PTPRO: variants seen among roughly 807,000 people sequenced by gnomAD.
PTPRO encodes the protein protein tyrosine phosphatase receptor type O.
PTPRO carries 62 observed loss-of-function variants against 145.2 expected under a neutral mutation model. The observed-to-expected ratio is 0.43, with a 90% CI of 0.35 to 0.53. PTPRO has a LOEUF of 0.53. Ranked by LOEUF, PTPRO falls within the 20% of genes least tolerant of loss-of-function variation. The pLI, the probability that PTPRO is intolerant of heterozygous loss-of-function variation, is 0.01. For missense variants in PTPRO, 1,345 were observed against 1,482.7 expected (o/e 0.91, Z 1.53); for synonymous variants, 565 against 514.7 (o/e 1.10, Z -1.32).
chr12:15,475,546 C>A (rs1005758914), intron 1 of PTPRO, among the ~76,000 whole-genome samples: 1 of 152,114 alleles, frequency 6.6e-6, no homozygotes, highest in Non-Finnish European at 1.5e-5. Context: ...ATTTTTAGGT[C>A]TTTGAGATAC....
chr12:15,582,663 T>C (rs1318888261), intron 23 of PTPRO, among the ~76,000 whole-genome samples: 2 of 152,262 alleles, frequency 1.3e-5, no homozygotes, highest in African/African-American at 4.8e-5. Flanking sequence ...GGCACACTTA[T>C]GTTTTAAATT....
intron 1 of PTPRO, among the ~76,000 whole-genome samples, chr12:15,350,641 A>G (rs1937773098): frequency 6.6e-6 from 1 of 152,216 alleles, no homozygotes; most frequent in South Asian, 2.1e-4. Flanking sequence ...TTGCTATCAA[A>G]TATTCTGATA....
intron 2 of PTPRO, among the ~76,000 whole-genome samples, chr12:15,493,802 C>T (rs1942047826): frequency 6.6e-5 from 10 of 152,080 alleles, no homozygotes; most frequent in Admixed American, 5.9e-4. Flanking sequence ...GATTTTCAAC[C>T]TAAGGCGACA....
chr12:15,413,384 C>A (rs1939857122), intron 1 of PTPRO, among the ~76,000 whole-genome samples: 1 of 152,174 alleles, frequency 6.6e-6, no homozygotes, highest in South Asian at 2.1e-4. Context: ...AGGCTTGAAC[C>A]TGGCCTGATT....
chr12:15,532,960 A>T (rs1942992123), intron 12 of PTPRO, among the ~76,000 whole-genome samples: 1 of 152,286 alleles, frequency 6.6e-6, no homozygotes, highest in South Asian at 2.1e-4. Flanking sequence ...TTAAAATTTA[A>T]GTTCAGAGGT....
chr12:15,455,482 C>A (rs547467754), intron 1 of PTPRO, among the ~76,000 whole-genome samples: 1 of 152,258 alleles, frequency 6.6e-6, no homozygotes, highest in South Asian at 2.1e-4. Context: ...GTCCATGGTC[C>A]ATGTACACAG....
chr12:15,560,143 A>G, intron 16 of PTPRO, 50 bp from the exon 17 acceptor site: 1 of 1,360,602 alleles, frequency 7.3e-7, no homozygotes, highest in Non-Finnish European at 1.1e-6. Flanking sequence ...TATATTACTA[A>G]CTCTTGCAAC....
intron 23 of PTPRO, among the ~76,000 whole-genome samples, chr12:15,586,159 T>C (rs1399390464): frequency 6.6e-6 from 1 of 152,230 alleles, no homozygotes. Context: ...TCAAGTCCTC[T>C]AGTATCAAAG....
chr12:15,456,731 T>C (rs1185127408), intron 1 of PTPRO, among the ~76,000 whole-genome samples: 1 of 152,158 alleles, frequency 6.6e-6, no homozygotes, highest in Admixed American at 6.5e-5. Flanking sequence ...GTCTTCTAGG[T>C]TATCCAATGT....
At chr12:15,544,506 C>CAA (rs61249816) in intron 12 of PTPRO, among the ~76,000 whole-genome samples, 4,846 of 72,984 alleles carry the variant, frequency 0.066, 603 homozygotes, top group African/African-American at 0.24. Flanking sequence ...GACTCCATCT[C>CAA]AAAAAAAAAA....
At chr12:15,344,521 G>A (rs1227149367) in intron 1 of PTPRO, among the ~76,000 whole-genome samples, 1 of 152,212 alleles carries the variant, frequency 6.6e-6, no homozygotes, top group African/African-American at 2.4e-5. Context: ...AGAGATGAAA[G>A]CAGATGTGGT....
chr12:15,484,304 C>A, intron 2 of PTPRO, 57 bp downstream of exon 2: 1 of 1,596,156 alleles, frequency 6.3e-7, no homozygotes, highest in East Asian at 2.2e-5. Flanking sequence ...TGTTTCTTCC[C>A]GTAGGGCTCG....
intron 22 of PTPRO, 120 bp from the exon 23 acceptor site, chr12:15,581,559 A>G (rs974523816): frequency 2.4e-6 from 3 of 1,227,518 alleles, no homozygotes; most frequent in African/African-American, 3.0e-5. Context: ...TTTATGTTTC[A>G]TCTTCACCAC....
chr12:15,481,012 CT>C (rs1565654928), intron 1 of PTPRO, among the ~76,000 whole-genome samples: 1 of 152,126 alleles, frequency 6.6e-6, no homozygotes, highest in Non-Finnish European at 1.5e-5. Flanking sequence ...TGAAGCAGAA[CT>C]TGCAGAAGCA....
At chr12:15,403,651 G>T (rs565293257) in intron 1 of PTPRO, among the ~76,000 whole-genome samples, 3 of 152,200 alleles carry the variant, frequency 2.0e-5, no homozygotes, top group Admixed American at 2.0e-4. Flanking sequence ...GTTTGGTGTG[G>T]CCCTACTTGG....
At chr12:15,388,254 A>G (rs1939085087) in intron 1 of PTPRO, among the ~76,000 whole-genome samples, 1 of 152,176 alleles carries the variant, frequency 6.6e-6, no homozygotes, top group Non-Finnish European at 1.5e-5. Flanking sequence ...TTTAAATTTT[A>G]CCAAAAAAAA....
At chr12:15,569,279 A>T in intron 18 of PTPRO, 138 bp from the exon 19 acceptor site, 1 of 756,216 alleles carries the variant, frequency 1.3e-6, no homozygotes, top group Non-Finnish European at 2.1e-6. Context: ...GAACCAAAAA[A>T]AAAAGGTGAG....
intron 1 of PTPRO, among the ~76,000 whole-genome samples, chr12:15,328,816 AAAACT>A (rs1207089765): frequency 5.9e-5 from 9 of 152,222 alleles, no homozygotes; most frequent in Non-Finnish European, 1.3e-4. Flanking sequence ...TTTTTCTAAC[AAAACT>A]ATTTCTATCT....
intron 1 of PTPRO, among the ~76,000 whole-genome samples, chr12:15,454,517 C>A (rs564717795): frequency 1.3e-5 from 2 of 152,116 alleles, no homozygotes; most frequent in South Asian, 4.1e-4. Flanking sequence ...TTACATAGAT[C>A]GTCTTCTCAC....
Sources: gnomAD v4.1 joint callset for allele counts (sites outside exome capture counted in the v4.1 genomes callset) on GRCh38, gnomAD v4.1.1 for gene constraint, MANE v1.5 for transcripts, NCBI Gene and HGNC (gene_info 2026-07-23, HGNC 2026-07-21) for gene names.